Variants in ZSWIM2 observed in about 807,000 individuals in gnomAD.
ZSWIM2 encodes the protein E3 ubiquitin-protein ligase ZSWIM2.
Under a neutral mutation model 48.4 loss-of-function variants are expected in ZSWIM2, and 38 were observed. The observed-to-expected ratio is 0.79, with a 90% CI of 0.61 to 1.03. The LOEUF is 1.03. Among genes scored for constraint, ZSWIM2 ranks in the 50% least tolerant of loss-of-function variants. The probability of loss-of-function intolerance (pLI) is 0.00; values close to 1 mark genes in which losing one functional copy is unlikely to be tolerated. For missense variants in ZSWIM2, 776 were observed against 730.2 expected (o/e 1.06, Z -0.72); for synonymous variants, 240 against 251.3 (o/e 0.96, Z 0.42).
In ZSWIM2 at chr2:186,832,122, A is replaced by AT. The variant is rs59277588; in HGVS notation, c.941+997dup. Among the ~76,000 whole-genome samples, 867 of 147,942 alleles carry AT rather than the reference A, an allele frequency of 5.9e-3. 4 individuals carry two copies. The highest frequency in any genetic ancestry group is 0.019 in the African/African-American group (782 of 40,486). On this transcript the variant is annotated intron_variant, in intron 7 of 8. Transcript: ENST00000295131. ...TATTTTCTTTTTTTCTTTCTTTTCT[A>AT]TTTTTTTTTTGAGATGGAGTCTCAT...
rs571762809 is a variant in ZSWIM2, at chr2:186,848,907, T to C, written c.165+59A>G. Reference sequence around the variant, plus strand: ...TGGCTACGCACATTGGGTATGCCAGTGGGGGAACCTGGTGGGCGGGGATGA... The same window carrying C: ...TGGCTACGCACATTGGGTATGCCAGCGGGGGAACCTGGTGGGCGGGGATGA... On this transcript the variant is annotated intron_variant, in intron 1 of 8. Transcript: ENST00000295131. 5.4e-5 allele frequency: 86 copies of C among 1,604,260 alleles called. No homozygotes were observed. The African/African-American group carries it at 1.1e-3, about 20-fold the overall frequency.
At chr2:186,841,211 A>G (rs1025359895) in intron 3 of ZSWIM2, among the ~76,000 whole-genome samples, 7 of 151,510 alleles carry the variant, frequency 4.6e-5, no homozygotes, top group Non-Finnish European at 7.4e-5. Context: ...CTTACCAGGC[A>G]TTGATAGATT....
Position 186,827,855 on chromosome 2 carries a change from T to C in ZSWIM2, c.*129A>G, listed in dbSNP as rs561664403. On this transcript the variant is annotated 3_prime_UTR_variant, in exon 9 of 9. Coordinates refer to ENST00000295131, the MANE Select transcript of ZSWIM2 (RefSeq NM_182521.3). ...TTTCCTTTAAGTGTAGTGAGCTGTT[T>C]ATAGGTAAGTAGGCAAATTCCAACA... The C allele has an allele frequency of 4.2e-6, 3 of 715,176 alleles. No homozygotes were observed. Among genetic ancestry groups the C allele is most frequent in the African/African-American group, 3.6e-5 (2 of 56,020 alleles). The allele number at this position is 715,176 out of a possible 1,614,324, so 44.3% of individuals were successfully genotyped here.
chr2:186,838,208 A>C (rs1272661246), intron 4 of ZSWIM2, among the ~76,000 whole-genome samples: 2 of 149,976 alleles, frequency 1.3e-5, no homozygotes, highest in Non-Finnish European at 3.0e-5. Context: ...ACTCTCAATA[A>C]AGATTTAAAG....
At position 186,833,056 on chromosome 2, in the gene ZSWIM2, C is replaced by G. The variant is rs1574137839; in HGVS notation, c.941+64G>C. ...AATAAAAGAATAAATAAAACTTATT[C>G]AAATTGAGAAGTTATTCAAAGATTC... On this transcript the variant is annotated intron_variant, in intron 7 of 8. Coordinates refer to ENST00000295131, the MANE Select transcript of ZSWIM2 (RefSeq NM_182521.3). 4.4e-6 allele frequency: 3 copies of G among 682,868 alleles called. No homozygotes were observed. In the East Asian group the frequency reaches 9.5e-5, roughly 22 times the overall value. 42.3% of individuals were successfully genotyped at this position (682,868 alleles called of 1,614,324 possible). A position where few individuals can be genotyped will look rare whatever the true frequency, so the allele number is the denominator to read the frequency against.
At chr2:186,847,988 C>A (rs1692037188) in intron 1 of ZSWIM2, among the ~76,000 whole-genome samples, 193 bp from the exon 2 acceptor site, 1 of 152,064 alleles carries the variant, frequency 6.6e-6, no homozygotes, top group Non-Finnish European at 1.5e-5. Flanking sequence ...AGCAAATTAA[C>A]AAATTAGGAT....
intron 7 of ZSWIM2, among the ~76,000 whole-genome samples, chr2:186,832,217 C>A (rs530541824): frequency 6.6e-6 from 1 of 151,910 alleles, no homozygotes; most frequent in Admixed American, 6.6e-5. Context: ...CAGGTTCAAG[C>A]AATTCTCCTG....
intron 5 of ZSWIM2, among the ~76,000 whole-genome samples, chr2:186,834,594 T>C (rs768675859): frequency 3.7e-4 from 56 of 152,178 alleles, no homozygotes; most frequent in African/African-American, 1.2e-3. Flanking sequence ...AGTCTCATCC[T>C]GAAACCATCC....
chr2:186,829,434 C>A (rs1691659664), intron 8 of ZSWIM2, among the ~76,000 whole-genome samples: 1 of 151,946 alleles, frequency 6.6e-6, no homozygotes, highest in African/African-American at 2.4e-5. Context: ...ATTCTATAAC[C>A]TTTTTTCTTT....
intron 2 of ZSWIM2, among the ~76,000 whole-genome samples, chr2:186,847,087 G>A (rs1166573865): frequency 6.6e-6 from 1 of 151,698 alleles, no homozygotes; most frequent in East Asian, 1.9e-4. Flanking sequence ...GTTCACTATT[G>A]GGGTGATTAG....
chr2:186,843,315 A>C (rs1427066307), intron 3 of ZSWIM2, among the ~76,000 whole-genome samples: 5 of 151,628 alleles, frequency 3.3e-5, no homozygotes, highest in African/African-American at 1.2e-4. Context: ...CAACCTAGTC[A>C]TCACGCATGA....
chr2:186,838,758 G>A (rs1691846463), intron 4 of ZSWIM2, among the ~76,000 whole-genome samples: 1 of 142,372 alleles, frequency 7.0e-6, no homozygotes, highest in Non-Finnish European at 1.5e-5. Context: ...TATTTATATT[G>A]TAATATATTA....
intron 5 of ZSWIM2, among the ~76,000 whole-genome samples, chr2:186,836,746 G>A (rs947671237): frequency 6.6e-6 from 1 of 152,022 alleles, no homozygotes; most frequent in Non-Finnish European, 1.5e-5. Context: ...GGAAAGTTTG[G>A]GGGTTACTCA....
rs2105814272 is a variant in ZSWIM2, at chr2:186,827,573, GGTAATTACTA to G, written c.*401_*410del. On this transcript the variant is annotated 3_prime_UTR_variant, in exon 9 of 9. Coordinates refer to ENST00000295131, the MANE Select transcript of ZSWIM2 (RefSeq NM_182521.3). The stretch of plus-strand genomic sequence containing the variant: ...TTAAGGTTTTTTTTTATAGGTTTGT[GGTAATTACTA>G]GTGCAAGAAAAATGCAAAAAATACA... Among the ~76,000 whole-genome samples the G allele has an allele frequency of 6.6e-6, 1 of 151,328 alleles. No individual in the cohort carries two copies. Among genetic ancestry groups the G allele is most frequent in the East Asian group, 1.9e-4 (1 of 5,152 alleles).
intron 2 of ZSWIM2, 87 bp downstream of exon 2, chr2:186,847,632 G>C (rs779557067): frequency 1.2e-6 from 1 of 864,976 alleles, no homozygotes; most frequent in Non-Finnish European, 1.7e-6. Context: ...CTTTAATTTT[G>C]TTGTTATTGA....
chr2:186,848,121 A>T (rs1039902953), intron 1 of ZSWIM2, among the ~76,000 whole-genome samples: 2 of 152,208 alleles, frequency 1.3e-5, no homozygotes, highest in Non-Finnish European at 2.9e-5. Context: ...TTTGGGGTGG[A>T]GCTAAGCACC....
At chr2:186,844,859 T>C (rs2105822968) in intron 2 of ZSWIM2, 102 bp from the exon 3 acceptor site, 2 of 1,029,950 alleles carry the variant, frequency 1.9e-6, no homozygotes, top group Non-Finnish European at 2.7e-6. Context: ...ATAAGATTTA[T>C]ATTATGGAAA....
chr2:186,835,829 A>G (rs1481575074), intron 5 of ZSWIM2, among the ~76,000 whole-genome samples: 1 of 152,194 alleles, frequency 6.6e-6, no homozygotes, highest in African/African-American at 2.4e-5. Flanking sequence ...TTAATTTGTA[A>G]AAGAGAATGG....
Position 186,836,455 on chromosome 2 carries a change from G to A in ZSWIM2, c.743+851C>T, listed in dbSNP as rs554607854. Among the ~76,000 whole-genome samples the A allele has an allele frequency of 2.0e-5, 3 of 152,148 alleles. No homozygotes were observed. The South Asian group carries it at 6.2e-4, about 32-fold the overall frequency. On this transcript the variant is annotated intron_variant, in intron 5 of 8. Coordinates refer to ENST00000295131, the MANE Select transcript of ZSWIM2 (RefSeq NM_182521.3). ...AACTTTCTTTTGTGTTACACATACA[G>A]AAAACAAAACTAAATTCAAAGGAGA...
Sources: allele counts gnomAD v4.1 joint callset (sites outside exome capture counted in the v4.1 genomes callset), GRCh38; gene constraint gnomAD v4.1.1; transcripts MANE v1.5; gene names NCBI Gene and HGNC (gene_info 2026-07-23, HGNC 2026-07-21).